The following PHF24 variants were observed in gnomAD, a reference collection of about 807,000 sequenced individuals.
PHF24 encodes the protein PHD finger protein 24, also known as Galpha inhibitory interacting protein.
In PHF24, 25 loss-of-function variants were observed where a neutral mutation model predicts 42.6. The ratio of observed to expected loss-of-function variants is 0.59; its 90% confidence interval spans 0.43 to 0.82. The LOEUF (loss-of-function observed/expected upper bound fraction) is 0.82, where lower values mean the gene tolerates loss of function less well. Ranked by LOEUF, PHF24 falls within the 40% of genes least tolerant of loss-of-function variation. PHF24 has a pLI of 0.00. For missense variants in PHF24, 470 were observed against 538.1 expected (o/e 0.87, Z 1.25); for synonymous variants, 185 against 204.8 (o/e 0.90, Z 0.83).
the PHF24 span, among the ~76,000 whole-genome samples, chr9:34,850,821 G>T: frequency 1.3e-5 from 2 of 152,188 alleles, no homozygotes; most frequent in African/African-American, 4.8e-5. Flanking sequence ...CTAACAGACA[G>T]TACCCTCAGC....
the PHF24 span, among the ~76,000 whole-genome samples, chr9:34,863,707 T>A: frequency 6.6e-6 from 1 of 152,082 alleles, no homozygotes; most frequent in East Asian, 1.9e-4. Context: ...GAGACTACAA[T>A]AAATACCTGA....
exon 7 of PHF24, chr9:34,977,634 G>A (rs1827247336): frequency 6.3e-7 from 1 of 1,593,410 alleles, no homozygotes; most frequent in South Asian, 1.1e-5. Context: ...CACAGAGCAG[G>A]AGTCCAGGTG....
At chr9:34,736,874 T>A in the PHF24 span, among the ~76,000 whole-genome samples, 1 of 152,188 alleles carries the variant, frequency 6.6e-6, no homozygotes, top group Non-Finnish European at 1.5e-5. Context: ...AAAAAATGTG[T>A]CAGCGTGGAA....
At chr9:34,711,301 C>T in the PHF24 span, among the ~76,000 whole-genome samples, 2 of 149,644 alleles carry the variant, frequency 1.3e-5, no homozygotes, top group Non-Finnish European at 3.0e-5. Flanking sequence ...GGCTGGAGTG[C>T]GGTGGCACAA....
chr9:34,944,366 G>T, the PHF24 span, among the ~76,000 whole-genome samples: 1 of 152,234 alleles, frequency 6.6e-6, no homozygotes, highest in Non-Finnish European at 1.5e-5. Flanking sequence ...AGTTCCTTCA[G>T]TGTATAACAT....
chr9:34,732,180 T>A, the PHF24 span, among the ~76,000 whole-genome samples: 1 of 152,302 alleles, frequency 6.6e-6, no homozygotes, highest in Non-Finnish European at 1.5e-5. Context: ...ACCTCCATAC[T>A]GGTCTCCATA....
chr9:34,700,701 C>T, the PHF24 span, among the ~76,000 whole-genome samples: 1,549 of 152,048 alleles, frequency 0.01, 22 homozygotes, highest in Admixed American at 0.026. Flanking sequence ...ATGGATGGTA[C>T]TTAAAGGTAT....
At chr9:34,918,918 ATT>A in the PHF24 span, among the ~76,000 whole-genome samples, 1 of 152,216 alleles carries the variant, frequency 6.6e-6, no homozygotes, top group Admixed American at 6.5e-5. Flanking sequence ...CTTCAGAATC[ATT>A]TTTGTTGATA....
the PHF24 span, among the ~76,000 whole-genome samples, chr9:34,920,517 AT>A: frequency 6.6e-6 from 1 of 151,778 alleles, no homozygotes; most frequent in Non-Finnish European, 1.5e-5. Context: ...ATTTAAGATT[AT>A]TTTTTCTATT....
chr9:34,872,052 T>G, the PHF24 span, among the ~76,000 whole-genome samples: 1 of 152,190 alleles, frequency 6.6e-6, no homozygotes. Context: ...CCTTGATATC[T>G]TTCATCAGGG....
At chr9:34,673,856 T>C in the PHF24 span, among the ~76,000 whole-genome samples, 1 of 152,096 alleles carries the variant, frequency 6.6e-6, no homozygotes, top group Admixed American at 6.5e-5. Flanking sequence ...CTCCTGACCT[T>C]GTGATCTGCC....
At chr9:34,931,162 G>C in the PHF24 span, among the ~76,000 whole-genome samples, 1 of 152,060 alleles carries the variant, frequency 6.6e-6, no homozygotes. Flanking sequence ...GGATCACGAG[G>C]TCAGGAGATC....
the PHF24 span, among the ~76,000 whole-genome samples, chr9:34,782,579 G>A: frequency 6.6e-6 from 1 of 152,190 alleles, no homozygotes; most frequent in Admixed American, 6.5e-5. Flanking sequence ...TAGAGAGCAA[G>A]AGCATGAAGT....
At chr9:34,917,742 G>A in the PHF24 span, 1 of 843,906 alleles carries the variant, frequency 1.2e-6, no homozygotes, top group East Asian at 2.4e-5. Flanking sequence ...GCTGGAGTCA[G>A]GATTGTGGGG....
At chr9:34,813,759 C>T in the PHF24 span, among the ~76,000 whole-genome samples, 4 of 152,206 alleles carry the variant, frequency 2.6e-5, no homozygotes, top group African/African-American at 9.7e-5. Flanking sequence ...GTGACTTCTG[C>T]TCACCTTTGC....
chr9:34,710,229 T>G, the PHF24 span: 1 of 642,030 alleles, frequency 1.6e-6, no homozygotes, highest in Non-Finnish European at 2.7e-6. Flanking sequence ...AAAGCTGGAT[T>G]TGCTGGCACC....
At chr9:34,975,536 C>T (rs557141681) in intron 3 of PHF24, among the ~76,000 whole-genome samples, 5 of 152,172 alleles carry the variant, frequency 3.3e-5, no homozygotes, top group Middle Eastern at 3.4e-3. Context: ...ATGGTAACGT[C>T]AACACAATAA....
chr9:34,704,800 A>G, the PHF24 span, among the ~76,000 whole-genome samples: 1 of 152,162 alleles, frequency 6.6e-6, no homozygotes, highest in African/African-American at 2.4e-5. Flanking sequence ...TGCGCCACTC[A>G]CTTCAGCCTG....
the PHF24 span, among the ~76,000 whole-genome samples, chr9:34,696,075 C>T: frequency 2.0e-5 from 3 of 152,300 alleles, no homozygotes; most frequent in East Asian, 5.8e-4. Context: ...GAGGCACTTA[C>T]TTACTATGGT....
Sources: allele counts gnomAD v4.1 joint callset (sites outside exome capture counted in the v4.1 genomes callset), GRCh38; gene constraint gnomAD v4.1.1; transcripts MANE v1.5; gene names NCBI Gene and HGNC (gene_info 2026-07-23, HGNC 2026-07-21).